Variants in JPH2 observed in about 807,000 individuals in gnomAD.
The protein encoded by JPH2 is junctophilin 2.
JPH2 carries 38 observed loss-of-function variants against 55.9 expected under a neutral mutation model. The observed-to-expected ratio is 0.68, with a 90% CI of 0.52 to 0.89. The LOEUF is 0.89. Ranked by LOEUF, JPH2 falls within the 40% of genes least tolerant of loss-of-function variation. The probability of loss-of-function intolerance (pLI) is 0.00; values close to 1 mark genes in which losing one functional copy is unlikely to be tolerated. For synonymous variants in JPH2, 480 were observed against 472.4 expected, an observed-to-expected ratio of 1.02 and a Z score of -0.21; for missense variants, 964 against 1,037.6, an observed-to-expected ratio of 0.93 and a Z score of 0.97.
At position 44,118,600 on chromosome 20, in the gene JPH2, G is replaced by C. The variant is rs1310667350; in HGVS notation, c.1193C>G (p.Ala398Gly). 6.2e-7 allele frequency: 1 copy of C among 1,611,716 alleles called. No individual in the cohort carries two copies. Among genetic ancestry groups the C allele is most frequent in the Non-Finnish European group, 8.5e-7 (1 of 1,180,010 alleles). Reference protein sequence around the residue: ...ASRTSHAKAKAEAAEQAALAA... With the variant: ...ASRTSHAKAKGEAAEQAALAA... ...CAGGGCGGCCTGTTCCGCTGCCTCA[G>C]CTTTGGCCTTGGCGTGGCTTGTCCT... Residue 398 changes from alanine to glycine, a missense_variant, in exon 3 of 6, where the codon GCT becomes GGT. Transcript: ENST00000372980.
intron 2 of JPH2, 50 bp from the exon 3 acceptor site, chr20:44,118,673 C>T (rs1276774029): frequency 7.2e-7 from 1 of 1,396,688 alleles, no homozygotes; most frequent in Non-Finnish European, 1.0e-6. Context: ...GAGAACCAGC[C>T]TTCTGCCCCT....
At chr20:44,158,524 AGTGAGTCCATATTT>A (rs2072581153) in intron 2 of JPH2, among the ~76,000 whole-genome samples, 1 of 152,228 alleles carries the variant, frequency 6.6e-6, no homozygotes, top group African/African-American at 2.4e-5. Flanking sequence ...AAAGGGACTG[AGTGAGTCCATATTT>A]GTGAACCACT....
rs1377793632 is a variant in JPH2 at position 44,160,158 on chromosome 20, G to A, written c.629C>T (p.Ala210Val). 3.5e-6 allele frequency: 5 copies of A among 1,425,084 alleles called. No homozygotes were observed. The highest frequency in any genetic ancestry group is 1.5e-5 in the African/African-American group (1 of 65,786). 88.3% of individuals were successfully genotyped at this position (1,425,084 alleles called of 1,614,324 possible). The change falls in exon 2 of 6, where the codon GCG becomes GTG. Residue 210 changes from alanine (A) to valine (V), a missense_variant. Transcript: ENST00000372980. This position sits in a 1 kb window ranked among gnomAD's most constrained non-coding sequence, Gnocchi z 4.9. ...FALSLLANAE[A>V]AARAPKGGGL... ...GCCGCCCTTGGGCGCCCGCGCGGCC[G>A]CCTCGGCATTGGCCAGGAGGCTGAG...
chr20:44,159,581 G>A lies in JPH2; in HGVS notation c.1169+37C>T, dbSNP rs2072588812. 2 of 1,577,104 alleles carry A rather than the reference G, an allele frequency of 1.3e-6. No homozygotes were observed. The highest frequency in any genetic ancestry group is 1.3e-5 in the African/African-American group (1 of 74,220). On this transcript the variant is annotated intron_variant, in intron 2 of 5. Transcript: ENST00000372980. The surrounding 1 kb of genome is among the most constrained non-coding windows in gnomAD (Gnocchi z 5.7). ...CTGCCCCAGGACCCCCTTCTCCGAG[G>A]GGAGGCGACCCCTTCCCACCCCCAC...
intron 2 of JPH2, among the ~76,000 whole-genome samples, chr20:44,148,624 T>A (rs966689692): frequency 6.6e-6 from 1 of 152,168 alleles, no homozygotes; most frequent in Non-Finnish European, 1.5e-5. Flanking sequence ...TTAGGTTCGT[T>A]ACTGCCCTTC....
Position 44,159,845 on chromosome 20 carries a change from G to A in JPH2, c.942C>T (p.Tyr314=), listed in dbSNP as rs1555858688. 3 of 1,613,512 alleles carry A rather than the reference G, an allele frequency of 1.9e-6. No homozygotes were observed. Among genetic ancestry groups the A allele is most frequent in the Non-Finnish European group, 1.7e-6 (2 of 1,179,884 alleles). The change falls in exon 2 of 6, where the codon TAC becomes TAT. Residue 314 remains tyrosine (Y), a synonymous_variant. Transcript: ENST00000372980. This position sits in a 1 kb window ranked among gnomAD's most constrained non-coding sequence, Gnocchi z 5.7. ...GVSERSSGLR[Y]EGEWLDNLRH... is the part of the protein sequence containing the mutation. ...GCAGGTTGTCCAGCCACTCGCCCTC[G>A]TAGCGGAGGCCACTGGAGCGTTCGC...
chr20:44,123,995 G>A (rs1392879827), intron 2 of JPH2, among the ~76,000 whole-genome samples: 1 of 152,196 alleles, frequency 6.6e-6, no homozygotes, highest in East Asian at 1.9e-4. Context: ...CTGGATCCAT[G>A]CCTCTGGGTG....
At chr20:44,127,475 G>A (rs907790487) in intron 2 of JPH2, among the ~76,000 whole-genome samples, 1 of 149,966 alleles carries the variant, frequency 6.7e-6, no homozygotes, top group Non-Finnish European at 1.5e-5. Context: ...CCTAATACTT[G>A]ATATCATCCT....
Position 44,116,112 on chromosome 20 carries a change from G to A in JPH2, c.1563C>T (p.Ser521=). The change falls in exon 4 of 6, where the codon AGC becomes AGT. Residue 521 remains serine (S), a synonymous_variant. Coordinates refer to ENST00000372980, the MANE Select transcript of JPH2 (RefSeq NM_020433.5). ...CGCCCTCGGACGGAGTGACTGACCGGCTGCCCTCACCGCTGGGCTCGCCGT... is the reference window on the plus strand; with the variant it reads ...CGCCCTCGGACGGAGTGACTGACCGACTGCCCTCACCGCTGGGCTCGCCGT... The part of the protein sequence containing the change: ...AWNGEPSGEG[S]RSVTPSEGAG... 6.8e-7 allele frequency: 1 copy of A among 1,479,052 alleles called. No individual in the cohort carries two copies. Among genetic ancestry groups the A allele is most frequent in the Non-Finnish European group, 8.9e-7 (1 of 1,126,320 alleles). The allele number at this position is 1,479,052 out of a possible 1,614,324, so 91.6% of individuals were successfully genotyped here. A position where few individuals can be genotyped will look rare whatever the true frequency, so the allele number is the denominator to read the frequency against.
At chr20:44,185,316 A>T (rs895027450) in intron 1 of JPH2, among the ~76,000 whole-genome samples, 1 of 152,094 alleles carries the variant, frequency 6.6e-6, no homozygotes, top group African/African-American at 2.4e-5. Flanking sequence ...TAAAAAATTT[A>T]AAAAAGGAAA....
intron 2 of JPH2, among the ~76,000 whole-genome samples, chr20:44,131,763 G>A (rs2072320964): frequency 6.6e-6 from 1 of 152,008 alleles, no homozygotes; most frequent in Non-Finnish European, 1.5e-5. Flanking sequence ...TTTTGTGCTA[G>A]TGATTCCCCT....
chr20:44,180,390 A>G (rs1013878137), intron 1 of JPH2, among the ~76,000 whole-genome samples: 5 of 151,808 alleles, frequency 3.3e-5, no homozygotes, highest in African/African-American at 1.2e-4. Flanking sequence ...GGAGTGCAGT[A>G]GCGTGATCAT....
chr20:44,116,883 G>C lies in JPH2; in HGVS notation c.1289-497C>G, dbSNP rs2072197152. On this transcript the variant is annotated intron_variant, in intron 3 of 5. Coordinates refer to ENST00000372980, the MANE Select transcript of JPH2 (RefSeq NM_020433.5). ...GACCAGAAGTGAGGGATCCTCCCAG[G>C]CATAGGTTTTCGCTCCTAGGTTTTT... Among the ~76,000 whole-genome samples the C allele has an allele frequency of 3.3e-5, 5 of 152,250 alleles. No homozygotes were observed. The South Asian group carries it at 1.0e-3, about 31-fold the overall frequency.
At chr20:44,166,050 TC>T (rs764376023) in intron 1 of JPH2, among the ~76,000 whole-genome samples, 2 of 152,236 alleles carry the variant, frequency 1.3e-5, no homozygotes, top group East Asian at 3.8e-4. Context: ...CACTGTGGTA[TC>T]CTCAGTGCCT....
chr20:44,115,902 C>T lies in JPH2; in HGVS notation c.1773G>A (p.Gly591=). The T allele has an allele frequency of 1.9e-6, 3 of 1,576,408 alleles. No homozygotes were observed. The highest frequency in any genetic ancestry group is 2.7e-5 in the African/African-American group (2 of 74,478). Residue 591 remains glycine, a synonymous_variant, in exon 4 of 6, where the codon GGG becomes GGA. Coordinates refer to ENST00000372980, the MANE Select transcript of JPH2 (RefSeq NM_020433.5). ...CCGGGGACGAGGGCGCGGACTCGGA[C>T]CCGGAGACCTCGGGCTCGGGCTGGT... ...FEDQPEPEVS[G]SESAPSSPAT... is the part of the protein sequence containing the mutation.
intron 2 of JPH2, among the ~76,000 whole-genome samples, chr20:44,120,738 T>TA (rs1486354651): frequency 6.6e-6 from 1 of 151,820 alleles, no homozygotes; most frequent in Non-Finnish European, 1.5e-5. Context: ...CTGATAAGCT[T>TA]AAAAAAAACA....
intron 2 of JPH2, among the ~76,000 whole-genome samples, chr20:44,137,245 C>T (rs961982580): frequency 5.9e-5 from 9 of 152,080 alleles, no homozygotes; most frequent in Admixed American, 6.6e-5. Flanking sequence ...GCCCCCGCCC[C>T]GCCCCACCCC....
rs796524844 is a variant in JPH2 at position 44,126,188 on chromosome 20, A to AAGGAAGGAAGGG, written c.1170-7566_1170-7565insCCCTTCCTTCCT. 2.4e-3 allele frequency among the ~76,000 whole-genome samples: 231 copies of AAGGAAGGAAGGG among 95,726 alleles called. 1 individual carries two copies. The highest frequency in any genetic ancestry group is 7.0e-3 in the African/African-American group (172 of 24,726). 62.8% of individuals were successfully genotyped at this position (95,726 alleles called of 152,430 possible). A position where few individuals can be genotyped will look rare whatever the true frequency, so the allele number is the denominator to read the frequency against. The stretch of plus-strand genomic sequence containing the variant: ...GGAGGGAGGAAGGAAGGAAGGAAGG[A>AAGGAAGGAAGGG]AGGGAGGAAGGAAGGAAGAAGGGGG... On this transcript the variant is annotated intron_variant, in intron 2 of 5. Coordinates refer to ENST00000372980, the MANE Select transcript of JPH2 (RefSeq NM_020433.5).
Position 44,186,594 on chromosome 20 carries a change from A to T in JPH2, c.112T>A (p.Tyr38Asn). 6.2e-7 allele frequency: 1 copy of T among 1,613,738 alleles called. No homozygotes were observed. The highest frequency in any genetic ancestry group is 8.5e-7 in the Non-Finnish European group (1 of 1,180,002). ...AAGCCAAAGTTCCAGGAGCCAGAGT[A>T]TTCGCCCTGGCCCTTGGGGCCTGTG... ...LCTGPKGQGE[Y>N]SGSWNFGFEV... Residue 38 changes from tyrosine to asparagine, a missense_variant, in exon 1 of 6, where the codon TAC becomes AAC. Physicochemically the swap from Tyr to Asn is moderately radical, Grantham distance 143 (BLOSUM62 -2). Coordinates refer to ENST00000372980, the MANE Select transcript of JPH2 (RefSeq NM_020433.5).
Sources: allele counts gnomAD v4.1 joint callset (sites outside exome capture counted in the v4.1 genomes callset), GRCh38; gene constraint gnomAD v4.1.1; non-coding constraint Gnocchi (gnomAD v3.1); transcripts MANE v1.5; gene names NCBI Gene and HGNC (gene_info 2026-07-23, HGNC 2026-07-21).